The following SLC25A37 variants were observed in gnomAD, a reference collection of about 807,000 sequenced individuals.
The protein encoded by SLC25A37 is solute carrier family 25 member 37.
Under a neutral mutation model 31.0 loss-of-function variants are expected in SLC25A37, and 17 were observed. The observed-to-expected ratio is 0.55, with a 90% CI of 0.38 to 0.82. The LOEUF (loss-of-function observed/expected upper bound fraction) is 0.82. Among genes scored for constraint, SLC25A37 ranks in the 40% least tolerant of loss-of-function variants. The probability of loss-of-function intolerance (pLI) is 0.00; values close to 1 mark genes in which losing one functional copy is unlikely to be tolerated. For synonymous variants in SLC25A37, 222 were observed against 193.0 expected (o/e 1.15, Z -1.24); for missense variants, 404 against 465.8 (o/e 0.87, Z 1.22).
chr8:23,534,465 A>G (rs1255893131), intron 1 of SLC25A37, among the ~76,000 whole-genome samples: 1 of 152,136 alleles, frequency 6.6e-6, no homozygotes, highest in Non-Finnish European at 1.5e-5. Context: ...TTCCTGACCC[A>G]GCTTTCCATT....
At chr8:23,566,669 C>A in intron 2 of SLC25A37, 1 of 1,036,274 alleles carries the variant, frequency 9.6e-7, no homozygotes, top group South Asian at 3.7e-5. Context: ...AATGATCAGA[C>A]ATAGGAGAAA....
Position 23,529,598 on chromosome 8 carries a change from C to A in SLC25A37, c.210+386C>A, listed in dbSNP as rs1801623161. Among the ~76,000 whole-genome samples the A allele has an allele frequency of 1.3e-5, 2 of 152,208 alleles. No homozygotes were observed. The highest frequency in any genetic ancestry group is 2.9e-5 in the Non-Finnish European group (2 of 68,026). On this transcript the variant is annotated intron_variant, in intron 1 of 3. Transcript: ENST00000519973. The surrounding 1 kb of genome is among the most constrained non-coding windows in gnomAD (Gnocchi z 4.1). ...GCCGTTCGGGCTGGCTGGGGCCGCC[C>A]ACACGTGCGCGGTTTCCGAGGGAGC...
intron 1 of SLC25A37, among the ~76,000 whole-genome samples, chr8:23,540,753 C>G (rs748006516): frequency 6.6e-6 from 1 of 152,172 alleles, no homozygotes; most frequent in African/African-American, 2.4e-5. Flanking sequence ...CATCATAGTT[C>G]CGTGGTCCAC....
rs1397123231 is a variant in SLC25A37, at chr8:23,529,858, C to G, written c.210+646C>G. ...CCCCCGACTTTGGGTCGCCGAGCCG[C>G]CGGGAGGCAATGACGTTTGCCTTCT... On this transcript the variant is annotated intron_variant, in intron 1 of 3. Transcript: ENST00000519973. The surrounding 1 kb of genome is among the most constrained non-coding windows in gnomAD (Gnocchi z 4.1). Among the ~76,000 whole-genome samples the G allele has an allele frequency of 6.6e-6, 1 of 152,150 alleles. No individual in the cohort carries two copies. Among genetic ancestry groups the G allele is most frequent in the East Asian group, 1.9e-4 (1 of 5,138 alleles).
In SLC25A37 at chr8:23,550,854, C is replaced by T. The variant is rs4872152; in HGVS notation, c.211-15254C>T. On this transcript the variant is annotated intron_variant, in intron 1 of 3. Transcript: ENST00000519973. Reference sequence around the variant, plus strand: ...GAGCATGCCCGCACCCACGGGCTGGCGGGAGCCCAGGTCCTCCAGGGCTGC... The same window carrying T: ...GAGCATGCCCGCACCCACGGGCTGGTGGGAGCCCAGGTCCTCCAGGGCTGC... Among the ~76,000 whole-genome samples the T allele has an allele frequency of 9.9e-5, 15 of 152,140 alleles. No individual in the cohort carries two copies. The East Asian group carries it at 2.9e-3, about 30-fold the overall frequency.
chr8:23,546,545 A>AGGTG (rs1554497876), intron 1 of SLC25A37, among the ~76,000 whole-genome samples: 1 of 17,738 alleles, frequency 5.6e-5, no homozygotes, highest in Non-Finnish European at 9.8e-5. Context: ...ATATATATAT[A>AGGTG]TATATATAGT....
At chr8:23,551,083 C>G (rs1278889422) in intron 1 of SLC25A37, among the ~76,000 whole-genome samples, 1 of 152,230 alleles carries the variant, frequency 6.6e-6, no homozygotes, top group Non-Finnish European at 1.5e-5. Flanking sequence ...CTGCCTAGCC[C>G]TGGCCTGGAC....
rs754765422 is a variant in SLC25A37, at chr8:23,538,406, ACC to A, written c.210+9195_210+9196del. On this transcript the variant is annotated intron_variant, in intron 1 of 3. Coordinates refer to ENST00000519973, the MANE Select transcript of SLC25A37 (RefSeq NM_016612.4). ...AAAAAAAAAAAAAAAAAAAAAAAAA[ACC>A]AGAAAAAAAAACTTGCCATTAAACA... 2.5e-3 allele frequency among the ~76,000 whole-genome samples: 250 copies of A among 100,868 alleles called. 12 individuals are homozygous for A. Among genetic ancestry groups the A allele is most frequent in the Middle Eastern group, 0.012 (2 of 164 alleles). The allele number at this position is 100,868 out of a possible 152,430, so 66.2% of individuals were successfully genotyped here. A position where few individuals can be genotyped will look rare whatever the true frequency, so the allele number is the denominator to read the frequency against.
At position 23,529,507 on chromosome 8, in the gene SLC25A37, G is replaced by T. The variant is rs1801620980; in HGVS notation, c.210+295G>T. ...GGAGGCGGAGTGGCGAGCACCGCTG[G>T]CTTCGGCGGCGACTGGGCTCCCGGG... On this transcript the variant is annotated intron_variant, in intron 1 of 3. Coordinates refer to ENST00000519973, the MANE Select transcript of SLC25A37 (RefSeq NM_016612.4). This position sits in a 1 kb window ranked among gnomAD's most constrained non-coding sequence, Gnocchi z 4.1. 6.6e-6 allele frequency among the ~76,000 whole-genome samples: 1 copy of T among 152,018 alleles called. No individual in the cohort carries two copies. Among genetic ancestry groups the T allele is most frequent in the Admixed American group, 6.6e-5 (1 of 15,264 alleles).
In SLC25A37 at chr8:23,575,267, A is replaced by G. The variant is rs2117480114; in HGVS notation, c.*3412A>G. The G allele has an allele frequency of 6.6e-6, 1 of 152,232 alleles. No homozygotes were observed. The highest frequency in any genetic ancestry group is 2.4e-5 in the African/African-American group (1 of 41,560). 9.4% of individuals were successfully genotyped at this position (152,232 alleles called of 1,614,324 possible). A position where few individuals can be genotyped will look rare whatever the true frequency, so the allele number is the denominator to read the frequency against. The stretch of plus-strand genomic sequence containing the variant: ...CTGCTTCCTACCTGCAAGACGAACA[A>G]TGTATGTTTCAAGGGTGAGCAAGTG... On this transcript the variant is annotated 3_prime_UTR_variant, in exon 4 of 4. Coordinates refer to ENST00000519973, the MANE Select transcript of SLC25A37 (RefSeq NM_016612.4).
intron 1 of SLC25A37, among the ~76,000 whole-genome samples, chr8:23,536,259 C>G (rs548113456): frequency 6.6e-6 from 1 of 152,274 alleles, no homozygotes; most frequent in African/African-American, 2.4e-5. Context: ...AATGTTTCTT[C>G]CCATAAACAA....
chr8:23,546,606 G>GTATATATA (rs1802071388), intron 1 of SLC25A37, among the ~76,000 whole-genome samples: 10 of 78,834 alleles, frequency 1.3e-4, no homozygotes, highest in African/African-American at 9.7e-4. Context: ...TAGTGTATGT[G>GTATATATA]TGTGTGTGTG....
At position 23,571,386 on chromosome 8, in the gene SLC25A37, G is replaced by T. The variant is rs779370944; in HGVS notation, c.548G>T (p.Ser183Ile). 6.8e-6 allele frequency: 11 copies of T among 1,612,186 alleles called. No individual in the cohort carries two copies. Among genetic ancestry groups the T allele is most frequent in the Non-Finnish European group, 7.6e-6 (9 of 1,179,064 alleles). Residue 183 changes from serine (S) to isoleucine (I), a missense_variant, in exon 4 of 4, where the codon AGC becomes ATC. Coordinates refer to ENST00000519973, the MANE Select transcript of SLC25A37 (RefSeq NM_016612.4). ...MYNSQHRSAISCIRTVWRTEG... is the reference protein window; with the variant it reads ...MYNSQHRSAIICIRTVWRTEG... The stretch of plus-strand genomic sequence containing the variant: ...AACTCGCAGCACCGGTCAGCAATCA[G>T]CTGCATCCGGACGGTGTGGAGGACC...
intron 1 of SLC25A37, chr8:23,541,794 A>G (rs1202751291): frequency 6.6e-6 from 1 of 152,466 alleles, no homozygotes; most frequent in African/African-American, 2.4e-5. Context: ...CCGGCTGATG[A>G]TCAGATCCAG....
At position 23,529,002 on chromosome 8, in the gene SLC25A37, G is replaced by C. The variant is rs1309764109; in HGVS notation, c.-1G>C. On this transcript the variant is annotated 5_prime_UTR_variant, in exon 1 of 4. Coordinates refer to ENST00000519973, the MANE Select transcript of SLC25A37 (RefSeq NM_016612.4). The surrounding 1 kb of genome is among the most constrained non-coding windows in gnomAD (Gnocchi z 4.1). Reference sequence around the variant, plus strand: ...CCTCCTGCGCCCCGCCGAGCTGGCGGATGGAGCTGCGCAGCGGGAGCGTGG... The same window carrying C: ...CCTCCTGCGCCCCGCCGAGCTGGCGCATGGAGCTGCGCAGCGGGAGCGTGG... 3.3e-6 allele frequency: 5 copies of C among 1,505,746 alleles called. No homozygotes were observed. The highest frequency in any genetic ancestry group is 4.4e-6 in the Non-Finnish European group (5 of 1,125,410). The allele number at this position is 1,505,746 out of a possible 1,614,324, so 93.3% of individuals were successfully genotyped here.
chr8:23,556,881 C>T (rs189950322), intron 1 of SLC25A37, among the ~76,000 whole-genome samples: 3 of 152,112 alleles, frequency 2.0e-5, no homozygotes, highest in South Asian at 2.1e-4. Context: ...GACAGATTCT[C>T]GCTCTGTCAC....
rs961510404 is a variant in SLC25A37, at chr8:23,573,968, G to C, written c.*2113G>C. 5.6e-6 allele frequency: 2 copies of C among 356,698 alleles called. No individual in the cohort carries two copies. Among genetic ancestry groups the C allele is most frequent in the Non-Finnish European group, 1.2e-5 (2 of 172,744 alleles). 22.1% of individuals were successfully genotyped at this position (356,698 alleles called of 1,614,324 possible). A position where few individuals can be genotyped will look rare whatever the true frequency, so the allele number is the denominator to read the frequency against. On this transcript the variant is annotated 3_prime_UTR_variant, in exon 4 of 4. Transcript: ENST00000519973. The stretch of plus-strand genomic sequence containing the variant: ...TTAAATGGTGTTAAATTCTGCAAAT[G>C]GAGGGGAAAAAAATCAAATTCTAAA...
At chr8:23,546,558 ATATATATATATATATATATATATAGTG>A (rs1802060035) in intron 1 of SLC25A37, among the ~76,000 whole-genome samples, 1 of 32,690 alleles carries the variant, frequency 3.1e-5, no homozygotes, top group Non-Finnish European at 5.9e-5. Flanking sequence ...TATATAGTGT[ATATATATATATATATATATATATAGTG>A]TATATATATA....
At chr8:23,562,486 C>A (rs1563264303) in intron 1 of SLC25A37, among the ~76,000 whole-genome samples, 1 of 152,202 alleles carries the variant, frequency 6.6e-6, no homozygotes, top group Non-Finnish European at 1.5e-5. Flanking sequence ...TTCATCAATT[C>A]ATTCATTCAA....
Sources: allele counts gnomAD v4.1 joint callset (sites outside exome capture counted in the v4.1 genomes callset), GRCh38; gene constraint gnomAD v4.1.1; non-coding constraint Gnocchi (gnomAD v3.1); transcripts MANE v1.5; gene names NCBI Gene and HGNC (gene_info 2026-07-23, HGNC 2026-07-21).